ROR1: variants seen among roughly 807,000 people sequenced by gnomAD.
ROR1 encodes inactive tyrosine-protein kinase transmembrane receptor ROR1.
Under a neutral mutation model 78.8 loss-of-function variants are expected in ROR1, and 19 were observed. The observed-to-expected ratio is 0.24, with a 90% CI of 0.17 to 0.35. The LOEUF is 0.35. Among genes scored for constraint, ROR1 ranks in the 10% least tolerant of loss-of-function variants. The pLI, the probability that ROR1 is intolerant of heterozygous loss-of-function variation, is 1.00. For missense variants in ROR1, 917 were observed against 1,177.8 expected, an observed-to-expected ratio of 0.78 and a Z score of 3.24; for synonymous variants, 386 against 433.6, an observed-to-expected ratio of 0.89 and a Z score of 1.36.
intron 2 of ROR1, among the ~76,000 whole-genome samples, chr1:64,023,993 T>C (rs1157966572): frequency 6.6e-6 from 1 of 152,136 alleles, no homozygotes; most frequent in African/African-American, 2.4e-5. Flanking sequence ...GGTTTAAAAG[T>C]GTGTGGCAGT....
rs535099536 is a variant in ROR1, at chr1:63,998,319, G to A, written c.92-10986G>A. 3.4e-4 allele frequency among the ~76,000 whole-genome samples: 52 copies of A among 151,450 alleles called. 1 individual carries two copies. Among genetic ancestry groups the A allele is most frequent in the African/African-American group, 1.2e-3 (48 of 41,248 alleles). On this transcript the variant is annotated intron_variant, in intron 1 of 8. Transcript: ENST00000371079. ...TTTTTTGTCTTTTCAATAGTAAACT[G>A]AGTATCATTGAATTAGGGGGTTTAT...
chr1:63,897,339 T>C (rs1277618944), intron 1 of ROR1, among the ~76,000 whole-genome samples: 14 of 152,236 alleles, frequency 9.2e-5, no homozygotes, highest in Admixed American at 9.2e-4. Context: ...TGCTTGACAT[T>C]GTACCAGGTC....
chr1:63,844,315 C>G (rs537642251), intron 1 of ROR1, among the ~76,000 whole-genome samples: 1 of 152,180 alleles, frequency 6.6e-6, no homozygotes, highest in East Asian at 1.9e-4. Flanking sequence ...GCCACCCACT[C>G]TTCTTGCAAT....
At chr1:63,776,250 C>G (rs1228709731) in intron 1 of ROR1, among the ~76,000 whole-genome samples, 1 of 152,216 alleles carries the variant, frequency 6.6e-6, no homozygotes, top group Non-Finnish European at 1.5e-5. Flanking sequence ...AAATACATGT[C>G]CCTGCATTGA....
chr1:63,931,319 TAAGCAG>T (rs1448722855), intron 1 of ROR1, among the ~76,000 whole-genome samples: 1 of 151,994 alleles, frequency 6.6e-6, no homozygotes, highest in African/African-American at 2.4e-5. Context: ...ACAGACAATA[TAAGCAG>T]AAGTGCTTAG....
At chr1:64,082,130 T>C (rs1335145537) in intron 4 of ROR1, among the ~76,000 whole-genome samples, 1 of 152,112 alleles carries the variant, frequency 6.6e-6, no homozygotes, top group Non-Finnish European at 1.5e-5. Context: ...AGGATGAGCC[T>C]GTAGAGTGAG....
At chr1:64,129,706 G>A (rs2762844) in intron 4 of ROR1, among the ~76,000 whole-genome samples, 142,231 of 152,318 alleles carry the variant, frequency 0.93, 67,153 homozygotes, top group East Asian at 1. Context: ...TTGATTAGCA[G>A]TCTTCTGTAT....
intron 1 of ROR1, among the ~76,000 whole-genome samples, chr1:63,997,806 G>T (rs285374): frequency 0.7 from 106,170 of 151,146 alleles, 39,663 homozygotes; most frequent in East Asian, 0.94. Flanking sequence ...TGTATCTATG[G>T]TTAGTTTCTG....
intron 1 of ROR1, among the ~76,000 whole-genome samples, chr1:63,953,215 C>G (rs1032171869): frequency 5.9e-5 from 9 of 152,152 alleles, no homozygotes; most frequent in Non-Finnish European, 8.8e-5. Context: ...CCACTTACTA[C>G]TTGTGTCATC....
At chr1:64,115,484 C>T (rs1648284084) in intron 4 of ROR1, among the ~76,000 whole-genome samples, 1 of 151,920 alleles carries the variant, frequency 6.6e-6, no homozygotes, top group African/African-American at 2.4e-5. Context: ...TTCTCCCACC[C>T]TAGCCTCCCA....
At chr1:64,151,718 CAA>C (rs10609701) in intron 7 of ROR1, among the ~76,000 whole-genome samples, 93,012 of 146,402 alleles carry the variant, frequency 0.64, 29,837 homozygotes, top group Non-Finnish European at 0.69. Flanking sequence ...ACTAAAAATA[CAA>C]AAAAAAAAAA....
chr1:64,091,395 G>A (rs1027801926), intron 4 of ROR1, among the ~76,000 whole-genome samples: 19 of 152,102 alleles, frequency 1.2e-4, no homozygotes, highest in Non-Finnish European at 8.8e-5. Flanking sequence ...ATACCATGAG[G>A]AGCCTAAGAA....
At chr1:63,904,266 G>A (rs1017215141) in intron 1 of ROR1, among the ~76,000 whole-genome samples, 20 of 152,118 alleles carry the variant, frequency 1.3e-4, no homozygotes, top group Admixed American at 3.9e-4. Flanking sequence ...TTAAACTGAC[G>A]TTGTGTGCCC....
chr1:64,169,713 C>G (rs760470791), intron 8 of ROR1, among the ~76,000 whole-genome samples: 71 of 152,206 alleles, frequency 4.7e-4, no homozygotes, highest in South Asian at 8.3e-4. Flanking sequence ...CAAGACAACG[C>G]AAGTCCCTTC....
intron 8 of ROR1, among the ~76,000 whole-genome samples, chr1:64,169,323 G>A (rs1301039836): frequency 1.3e-5 from 2 of 152,216 alleles, no homozygotes; most frequent in Non-Finnish European, 2.9e-5. Flanking sequence ...TGGCTGGGGA[G>A]GCCTCACAAT....
chr1:64,009,384 G>A lies in ROR1; in HGVS notation c.163+8G>A, dbSNP rs1646457409. 1 of 1,608,370 alleles carries A rather than the reference G, an allele frequency of 6.2e-7. No homozygotes were observed. Among genetic ancestry groups the A allele is most frequent in the South Asian group, 1.1e-5 (1 of 90,946 alleles). ...CAAGTGAACTCAACAAAGGTACACA[G>A]TGGGGGCACACAGGGGAGGCGAGGA... is the stretch of plus-strand genomic sequence containing the variant. On this transcript the variant is annotated splice_region_variant and intron_variant, in intron 2 of 8. Transcript: ENST00000371079.
chr1:63,925,790 T>C lies in ROR1; in HGVS notation c.92-83515T>C, dbSNP rs861309. 3.2e-3 allele frequency among the ~76,000 whole-genome samples: 474 copies of C among 149,610 alleles called. 1 individual carries two copies. Among genetic ancestry groups the C allele is most frequent in the Admixed American group, 5.3e-3 (79 of 15,004 alleles). On this transcript the variant is annotated intron_variant, in intron 1 of 8. Coordinates refer to ENST00000371079, the MANE Select transcript of ROR1 (RefSeq NM_005012.4). ...TGATGATGAGCATTTTTTCATGTGTTTTTTGGCTGCATAAATGTCTTCTTT... is the reference window on the plus strand; with the variant it reads ...TGATGATGAGCATTTTTTCATGTGTCTTTTGGCTGCATAAATGTCTTCTTT...
At chr1:63,896,528 G>A (rs989513715) in intron 1 of ROR1, among the ~76,000 whole-genome samples, 2 of 152,166 alleles carry the variant, frequency 1.3e-5, no homozygotes, top group African/African-American at 4.8e-5. Context: ...TGACTTGTTG[G>A]ACTTAACAGT....
chr1:64,148,398 A>G (rs1459615919), intron 7 of ROR1, among the ~76,000 whole-genome samples: 1 of 152,172 alleles, frequency 6.6e-6, no homozygotes, highest in Non-Finnish European at 1.5e-5. Flanking sequence ...GTTGTAAGCT[A>G]GTGGGGCAGA....
Sources: allele counts gnomAD v4.1 joint callset (sites outside exome capture counted in the v4.1 genomes callset), GRCh38; gene constraint gnomAD v4.1.1; transcripts MANE v1.5; gene names NCBI Gene and HGNC (gene_info 2026-07-23, HGNC 2026-07-21).